ACER1: variants seen among roughly 807,000 people sequenced by gnomAD.
ACER1 encodes the protein CTB-180A7.3.
In ACER1, 28 loss-of-function variants were observed where a neutral mutation model predicts 24.9. The observed-to-expected ratio is 1.13, with a 90% CI of 0.83 to 1.54. The LOEUF (loss-of-function observed/expected upper bound fraction) is 1.54, where lower values mean the gene tolerates loss of function less well. Ranked by LOEUF, ACER1 falls within the 40% of genes most tolerant of loss-of-function variation. The probability of loss-of-function intolerance (pLI) is 0.00; values close to 1 mark genes in which losing one functional copy is unlikely to be tolerated. For missense variants in ACER1, 352 were observed against 349.3 expected, an observed-to-expected ratio of 1.01 and a Z score of -0.06; for synonymous variants, 132 against 131.4, an observed-to-expected ratio of 1.00 and a Z score of -0.03.
the ACER1 span, chr19:6,343,915 C>A: frequency 6.6e-6 from 1 of 152,252 alleles, no homozygotes; most frequent in Non-Finnish European, 1.5e-5. Context: ...GAAACTCCCA[C>A]AAATGGACCC....
chr19:6,349,263 G>A, the ACER1 span, among the ~76,000 whole-genome samples: 1 of 151,300 alleles, frequency 6.6e-6, no homozygotes, highest in African/African-American at 2.4e-5. Flanking sequence ...GATGGCTTGA[G>A]CCTAGAGTTT....
At chr19:6,346,845 C>G in the ACER1 span, among the ~76,000 whole-genome samples, 5 of 151,776 alleles carry the variant, frequency 3.3e-5, no homozygotes, top group African/African-American at 1.2e-4. Flanking sequence ...TCTGGTCCAG[C>G]GGGGAGGAGG....
intron 1 of ACER1, among the ~76,000 whole-genome samples, chr19:6,331,966 A>ATTTT (rs113359211): frequency 5.2e-5 from 7 of 133,718 alleles, no homozygotes; most frequent in African/African-American, 1.1e-4. Flanking sequence ...GTGCATTCCT[A>ATTTT]TTTTTTTTTT....
intron 1 of ACER1, among the ~76,000 whole-genome samples, chr19:6,317,433 G>T (rs1409843083): frequency 1.3e-5 from 2 of 152,230 alleles, no homozygotes. Context: ...TGGGACAGGG[G>T]CCATGCCAAC....
chr19:6,331,765 G>T (rs547117826), intron 1 of ACER1, among the ~76,000 whole-genome samples: 64 of 151,280 alleles, frequency 4.2e-4, no homozygotes, highest in Non-Finnish European at 7.5e-4. Context: ...TTACATTCCA[G>T]CCTAGGTGAC....
chr19:6,334,520 G>C (rs999146670), upstream of ACER1, among the ~76,000 whole-genome samples: 1 of 151,702 alleles, frequency 6.6e-6, no homozygotes, highest in African/African-American at 2.4e-5. Flanking sequence ...AATTTTTTTT[G>C]TATTTTAGTA....
chr19:6,341,622 G>GTTTTGTTTTTGT, the ACER1 span, among the ~76,000 whole-genome samples: 1 of 150,684 alleles, frequency 6.6e-6, no homozygotes, highest in African/African-American at 2.4e-5. Flanking sequence ...GTTTTGTTTT[G>GTTTTGTTTTTGT]TTTTGTTTTT....
intron 1 of ACER1, among the ~76,000 whole-genome samples, chr19:6,312,778 C>T (rs1287160848): frequency 2.0e-5 from 3 of 151,284 alleles, no homozygotes; most frequent in East Asian, 2.0e-4. Context: ...CAGGTTCGAG[C>T]GATTCTCCTG....
chr19:6,327,183 C>A (rs10402580), intron 1 of ACER1, among the ~76,000 whole-genome samples: 2,633 of 152,274 alleles, frequency 0.017, 82 homozygotes, highest in African/African-American at 0.059. Flanking sequence ...ATAATGCCAG[C>A]ACTTTTAGAG....
intron 1 of ACER1, among the ~76,000 whole-genome samples, chr19:6,329,368 T>TAGAAC (rs1250287463): frequency 2.0e-5 from 3 of 150,854 alleles, no homozygotes; most frequent in Admixed American, 6.7e-5. Context: ...TAGAATAGAA[T>TAGAAC]AGAATAGAAT....
chr19:6,324,162 A>G (rs772232333), intron 1 of ACER1, among the ~76,000 whole-genome samples: 1 of 149,996 alleles, frequency 6.7e-6, no homozygotes, highest in Non-Finnish European at 1.5e-5. Context: ...CTCCTGCCTC[A>G]CCCTCCTAAG....
intron 1 of ACER1, among the ~76,000 whole-genome samples, chr19:6,329,896 A>G (rs2091679262): frequency 1.4e-5 from 2 of 144,088 alleles, no homozygotes; most frequent in Non-Finnish European, 3.0e-5. Context: ...TTTGAGATGG[A>G]GTCTTGCTCT....
intron 1 of ACER1, among the ~76,000 whole-genome samples, chr19:6,318,146 C>G (rs117910579): frequency 0.067 from 9,941 of 147,508 alleles, 368 homozygotes; most frequent in East Asian, 0.13. Flanking sequence ...ACGGTGAAAC[C>G]CCGTCCTAAA....
intron 1 of ACER1, among the ~76,000 whole-genome samples, chr19:6,321,584 T>A (rs879443226): frequency 8.0e-5 from 12 of 149,710 alleles, no homozygotes; most frequent in Admixed American, 6.6e-4. Flanking sequence ...GGGCAAGGAG[T>A]TTCTTGTATT....
rs149755370 is a variant in ACER1, at chr19:6,306,921, A to G, written c.627-39T>C. 5.2e-4 allele frequency: 822 copies of G among 1,587,582 alleles called. 4 individuals are homozygous for G. In the African/African-American group the frequency reaches 9.8e-3, roughly 19 times the overall value. On this transcript the variant is annotated intron_variant, in intron 5 of 5. Transcript: ENST00000301452. ...GGCGAAGGTGGCGAGGGCACAAGAT[A>G]CCCACAGCCTCACGCCGGCCCTCTT...
the ACER1 span, among the ~76,000 whole-genome samples, chr19:6,348,398 G>T: frequency 2.0e-5 from 3 of 150,788 alleles, no homozygotes; most frequent in African/African-American, 7.3e-5. Flanking sequence ...CCGGGAAGTG[G>T]AGGTTGCAGT....
chr19:6,335,024 ATTAT>A (rs2091707332), upstream of ACER1, among the ~76,000 whole-genome samples: 1 of 146,998 alleles, frequency 6.8e-6, no homozygotes, highest in Non-Finnish European at 1.5e-5. Context: ...TAATAATATA[ATTAT>A]TTATTATATA....
the ACER1 span, among the ~76,000 whole-genome samples, chr19:6,346,728 C>T: frequency 6.6e-6 from 1 of 151,752 alleles, no homozygotes; most frequent in African/African-American, 2.4e-5. Context: ...AGCCACCACC[C>T]CCAGCCGCTG....
chr19:6,309,633 G>A, intron 4 of ACER1, 64 bp downstream of exon 4: 1 of 1,601,864 alleles, frequency 6.2e-7, no homozygotes, highest in Non-Finnish European at 8.5e-7. Context: ...CCGCGAGCCT[G>A]GAGTCAGGGG....
Sources: allele counts gnomAD v4.1 joint callset (sites outside exome capture counted in the v4.1 genomes callset), GRCh38; gene constraint gnomAD v4.1.1; transcripts MANE v1.5; gene names NCBI Gene and HGNC (gene_info 2026-07-23, HGNC 2026-07-21).